Variants in TRAPPC9 observed in about 807,000 individuals in gnomAD.
TRAPPC9 encodes the protein trafficking protein particle complex subunit 9.
TRAPPC9 carries 83 observed loss-of-function variants against 124.0 expected under a neutral mutation model. That is an observed-to-expected ratio of 0.67 (90% CI 0.56 to 0.80). The LOEUF (loss-of-function observed/expected upper bound fraction) is 0.80. Ranked by LOEUF, TRAPPC9 falls within the 30% of genes least tolerant of loss-of-function variation. TRAPPC9 has a pLI of 0.00. For synonymous variants in TRAPPC9, 638 were observed against 617.5 expected (o/e 1.03, Z -0.49); for missense variants, 1,302 against 1,508.3 (o/e 0.86, Z 2.27).
chr8:140,072,299 T>C lies in TRAPPC9; in HGVS notation c.2557-48220A>G, dbSNP rs144807339. 6.8e-3 allele frequency among the ~76,000 whole-genome samples: 1,038 copies of C among 152,226 alleles called. 11 individuals carry two copies. The highest frequency in any genetic ancestry group is 0.023 in the African/African-American group (947 of 41,526). ...CCGTAATCCTAGCACTTTGGGAGGC[T>C]AAGGCGGGCAGCTCACAAGTCAGGA... is the stretch of plus-strand genomic sequence containing the variant. On this transcript the variant is annotated intron_variant, in intron 17 of 22. Coordinates refer to ENST00000438773, the MANE Select transcript of TRAPPC9 (RefSeq NM_001160372.4).
rs1311530050 is a variant in TRAPPC9, at chr8:140,012,088, G to A, written c.2699+11849C>T. On this transcript the variant is annotated intron_variant, in intron 18 of 22. Transcript: ENST00000438773. ...GCCTCCCAAAGTGCTGGGACTGCAG[G>A]CGTGAGCCACCGCGCCCGGCCAGGC... Among the ~76,000 whole-genome samples, 4 of 152,220 alleles carry A rather than the reference G, an allele frequency of 2.6e-5. No homozygotes were observed. In the East Asian group the frequency reaches 7.7e-4, roughly 29 times the overall value.
chr8:140,033,620 G>C (rs1840640040), intron 17 of TRAPPC9, among the ~76,000 whole-genome samples: 1 of 128,688 alleles, frequency 7.8e-6, no homozygotes, highest in African/African-American at 2.9e-5. Context: ...TTTCATCCAA[G>C]TTGTCAAATG....
intron 21 of TRAPPC9, among the ~76,000 whole-genome samples, chr8:139,756,206 G>A (rs1386127354): frequency 8.3e-6 from 1 of 120,840 alleles, no homozygotes; most frequent in South Asian, 3.1e-4. Context: ...GATTAGGGAT[G>A]AGGACAGCAG....
At chr8:140,069,731 ACT>A (rs1484016830) in intron 17 of TRAPPC9, among the ~76,000 whole-genome samples, 1 of 151,994 alleles carries the variant, frequency 6.6e-6, no homozygotes, top group Non-Finnish European at 1.5e-5. Flanking sequence ...TATTAGGAGA[ACT>A]CAATCCCTAG....
rs374300007 is a variant in TRAPPC9, at chr8:139,732,144, G to A, written c.3114C>T (p.Gly1038=). The stretch of plus-strand genomic sequence containing the variant: ...GCCGCACCTCCAGGCGCACGGGGTC[G>A]CCCACCTGGCAGGCCGCCACAGCCT... ...DREAVAACQV[G]DPVRLEVRLT... Residue 1038 remains glycine, a synonymous_variant, in exon 22 of 23, where the codon GGC becomes GGT. Coordinates refer to ENST00000438773, the MANE Select transcript of TRAPPC9 (RefSeq NM_001160372.4). The A allele has an allele frequency of 7.0e-5, 113 of 1,604,270 alleles. No individual in the cohort carries two copies. The highest frequency in any genetic ancestry group is 3.6e-4 in the African/African-American group (27 of 74,886).
chr8:140,034,909 GA>G (rs1408554779), intron 17 of TRAPPC9, among the ~76,000 whole-genome samples: 1 of 152,264 alleles, frequency 6.6e-6, no homozygotes, highest in East Asian at 1.9e-4. Flanking sequence ...ACTGTGAGCA[GA>G]AAGCTGGCGC....
chr8:140,418,983 T>C lies in TRAPPC9; in HGVS notation c.886+7632A>G, dbSNP rs183997671. On this transcript the variant is annotated intron_variant, in intron 5 of 22. Coordinates refer to ENST00000438773, the MANE Select transcript of TRAPPC9 (RefSeq NM_001160372.4). ...AAAGCATTTGATAAATTCAACACCCTTTCGTGATGGCACTCAACAAACTAG... is the reference window on the plus strand; with the variant it reads ...AAAGCATTTGATAAATTCAACACCCCTTCGTGATGGCACTCAACAAACTAG... 1.8e-4 allele frequency among the ~76,000 whole-genome samples: 28 copies of C among 152,218 alleles called. No individual in the cohort carries two copies. In the East Asian group the frequency reaches 5.2e-3, roughly 28 times the overall value.
At chr8:140,187,131 G>C (rs1246461580) in intron 17 of TRAPPC9, among the ~76,000 whole-genome samples, 1 of 152,196 alleles carries the variant, frequency 6.6e-6, no homozygotes, top group African/African-American at 2.4e-5. Context: ...ACATAGGTTT[G>C]ACCTGTGCAG....
At chr8:139,945,983 G>T (rs1430119003) in intron 19 of TRAPPC9, among the ~76,000 whole-genome samples, 1 of 152,202 alleles carries the variant, frequency 6.6e-6, no homozygotes, top group Non-Finnish European at 1.5e-5. Flanking sequence ...ATTTAACTTT[G>T]CTGTATGTTT....
chr8:139,815,859 T>C (rs1044745997), intron 21 of TRAPPC9, among the ~76,000 whole-genome samples: 3 of 152,168 alleles, frequency 2.0e-5, no homozygotes, highest in Admixed American at 6.5e-5. Context: ...CACGGGTGGC[T>C]CTTGTGCTCA....
At chr8:140,242,311 C>T (rs936280154) in intron 16 of TRAPPC9, among the ~76,000 whole-genome samples, 1 of 152,148 alleles carries the variant, frequency 6.6e-6, no homozygotes, top group South Asian at 2.1e-4. Context: ...CCCGTGAAGG[C>T]TCAGATAAAA....
chr8:140,086,974 C>T (rs1341736139), intron 17 of TRAPPC9, among the ~76,000 whole-genome samples: 1 of 152,094 alleles, frequency 6.6e-6, no homozygotes, highest in African/African-American at 2.4e-5. Flanking sequence ...ACACCTCCCT[C>T]CAGCCACCAT....
chr8:139,971,804 C>CACACAT (rs1836111897), intron 19 of TRAPPC9, among the ~76,000 whole-genome samples: 3 of 2,200 alleles, frequency 1.4e-3, no homozygotes, highest in South Asian at 0.048. Context: ...TATATATATA[C>CACACAT]ATATATATAT....
At chr8:140,323,879 ACT>A (rs2066665560) in intron 9 of TRAPPC9, among the ~76,000 whole-genome samples, 1 of 136,224 alleles carries the variant, frequency 7.3e-6, no homozygotes, top group Admixed American at 7.9e-5. Flanking sequence ...CAGGAAACAA[ACT>A]TTTTTAAAAA....
intron 17 of TRAPPC9, among the ~76,000 whole-genome samples, chr8:140,162,902 G>A (rs2061774950): frequency 6.6e-6 from 1 of 152,060 alleles, no homozygotes; most frequent in African/African-American, 2.4e-5. Flanking sequence ...TGAGGTGGGA[G>A]GATTGCTTGA....
intron 7 of TRAPPC9, among the ~76,000 whole-genome samples, chr8:140,373,568 C>T (rs1377032592): frequency 2.0e-5 from 3 of 151,934 alleles, no homozygotes; most frequent in Non-Finnish European, 2.9e-5. Context: ...CGGATCTCTG[C>T]CAGCCCCACT....
intron 21 of TRAPPC9, among the ~76,000 whole-genome samples, chr8:139,744,037 GCACT>G (rs1818728914): frequency 6.6e-6 from 1 of 152,192 alleles, no homozygotes; most frequent in Admixed American, 6.5e-5. Flanking sequence ...ACGCGAACGT[GCACT>G]CACTGCCACC....
intron 17 of TRAPPC9, among the ~76,000 whole-genome samples, chr8:140,110,737 CTTATG>C: frequency 3.9e-5 from 1 of 25,706 alleles, no homozygotes; most frequent in African/African-American, 1.8e-4. Context: ...AGCAGCTCCC[CTTATG>C]CTCCCCCTAC....
In TRAPPC9 at chr8:140,384,117, A is replaced by C. The variant is rs540325986; in HGVS notation, c.1135-12937T>G. On this transcript the variant is annotated intron_variant, in intron 7 of 22. Transcript: ENST00000438773. The stretch of plus-strand genomic sequence containing the variant: ...CCTTTACAGACAAGCAAATGCTGAG[A>C]TTTTGTCACCACCAGGCCTGCCCTA... Among the ~76,000 whole-genome samples, 4 of 152,314 alleles carry C rather than the reference A, an allele frequency of 2.6e-5. No homozygotes were observed. The South Asian group carries it at 8.3e-4, about 32-fold the overall frequency.
Sources: gnomAD v4.1 joint callset for allele counts (sites outside exome capture counted in the v4.1 genomes callset) on GRCh38, gnomAD v4.1.1 for gene constraint, MANE v1.5 for transcripts, NCBI Gene and HGNC (gene_info 2026-07-23, HGNC 2026-07-21) for gene names.